DRC9: variants seen among roughly 807,000 people sequenced by gnomAD.
DRC9 encodes the protein dynein regulatory complex subunit 9.
the DRC9 span, among the ~76,000 whole-genome samples, chr3:197,903,360 G>A: frequency 2.0e-5 from 3 of 152,166 alleles, no homozygotes; most frequent in Non-Finnish European, 4.4e-5. Flanking sequence ...AAAAGCTTCT[G>A]CACAGGCCAG....
the DRC9 span, chr3:197,912,605 C>A: frequency 1.6e-5 from 17 of 1,067,846 alleles, no homozygotes; most frequent in Admixed American, 2.1e-4. Flanking sequence ...TCAAAATATT[C>A]TTTTTGTTTC....
At chr3:197,945,779 T>C in the DRC9 span, 4,279 of 611,410 alleles carry the variant, frequency 7.0e-3, 148 homozygotes, top group African/African-American at 0.071. Context: ...GAAAATTAAA[T>C]GATTACGGGA....
chr3:197,948,964 A>G, the DRC9 span, among the ~76,000 whole-genome samples: 1 of 152,324 alleles, frequency 6.6e-6, no homozygotes, highest in South Asian at 2.1e-4. Context: ...TTGTCAATAT[A>G]GAAGTCAGAT....
the DRC9 span, among the ~76,000 whole-genome samples, chr3:197,934,210 G>A: frequency 1.4e-5 from 1 of 71,812 alleles, no homozygotes; most frequent in African/African-American, 2.2e-4. Flanking sequence ...TGAGACAAGA[G>A]TGTCGTTCTT....
chr3:197,904,129 C>A, the DRC9 span, among the ~76,000 whole-genome samples: 1 of 137,422 alleles, frequency 7.3e-6, no homozygotes, highest in Non-Finnish European at 1.5e-5. Context: ...TTTAAAGGGC[C>A]AAAGATCTGA....
the DRC9 span, chr3:197,957,241 TC>T: frequency 6.6e-6 from 1 of 152,122 alleles, no homozygotes; most frequent in African/African-American, 2.4e-5. Flanking sequence ...CTGTTACAAA[TC>T]TGCTAACCTA....
chr3:197,917,695 C>T, the DRC9 span, among the ~76,000 whole-genome samples: 26 of 151,282 alleles, frequency 1.7e-4, 1 homozygote, highest in East Asian at 5.8e-4. Flanking sequence ...TCTTTCTATA[C>T]GCACTTCCCT....
At chr3:197,897,112 T>C in the DRC9 span, among the ~76,000 whole-genome samples, 8 of 152,152 alleles carry the variant, frequency 5.3e-5, no homozygotes, top group Admixed American at 5.2e-4. Context: ...ATTTCATTAC[T>C]ACAGAAATAA....
chr3:197,920,016 AT>A, the DRC9 span, among the ~76,000 whole-genome samples: 3 of 150,014 alleles, frequency 2.0e-5, no homozygotes, highest in African/African-American at 7.5e-5. Flanking sequence ...CCTGGCTAAC[AT>A]GGTGAAACCC....
At chr3:197,912,653 T>A in the DRC9 span, 2 of 1,591,748 alleles carry the variant, frequency 1.3e-6, no homozygotes, top group Non-Finnish European at 1.7e-6. Context: ...AGTCAAAGCA[T>A]AGAAAAGCTG....
At chr3:197,955,866 G>A in the DRC9 span, 5 of 1,080,668 alleles carry the variant, frequency 4.6e-6, no homozygotes. Flanking sequence ...TTTGCTACAT[G>A]CTTAAAATGA....
the DRC9 span, chr3:197,951,294 T>C: frequency 1.2e-6 from 2 of 1,614,108 alleles, no homozygotes; most frequent in South Asian, 1.1e-5. Context: ...GATGCGCTTA[T>C]GTATATAAAG....
chr3:197,931,214 G>A, the DRC9 span, among the ~76,000 whole-genome samples: 1 of 152,006 alleles, frequency 6.6e-6, no homozygotes, highest in Non-Finnish European at 1.5e-5. Flanking sequence ...GAGCGCGGTG[G>A]CTCATGCCTG....
At chr3:197,943,849 T>C in the DRC9 span, 1 of 1,614,130 alleles carries the variant, frequency 6.2e-7, no homozygotes, top group Non-Finnish European at 8.5e-7. Flanking sequence ...TGGTCTGTGG[T>C]GTCCTCCAGA....
At chr3:197,905,097 G>A in the DRC9 span, among the ~76,000 whole-genome samples, 3 of 152,168 alleles carry the variant, frequency 2.0e-5, no homozygotes, top group Non-Finnish European at 4.4e-5. Context: ...GGTAGTGGGG[G>A]ATGCGGAGGG....
chr3:197,925,146 G>A, the DRC9 span, among the ~76,000 whole-genome samples: 1 of 151,748 alleles, frequency 6.6e-6, no homozygotes, highest in Non-Finnish European at 1.5e-5. Flanking sequence ...GACTGCCTGA[G>A]ACAAGGCCCC....
the DRC9 span, among the ~76,000 whole-genome samples, chr3:197,925,161 G>T: frequency 2.0e-5 from 3 of 151,650 alleles, no homozygotes; most frequent in Admixed American, 6.6e-5. Flanking sequence ...GGCCCCCTGT[G>T]GGGGAGGGTG....
At chr3:197,908,372 G>A in the DRC9 span, among the ~76,000 whole-genome samples, 2 of 143,290 alleles carry the variant, frequency 1.4e-5, no homozygotes, top group East Asian at 2.2e-4. Context: ...ACTGTACCAC[G>A]TCTGAAGAGT....
At chr3:197,893,577 C>T in the DRC9 span, among the ~76,000 whole-genome samples, 7 of 151,856 alleles carry the variant, frequency 4.6e-5, no homozygotes, top group South Asian at 2.1e-4. Context: ...GGCGCAGTGG[C>T]TCACGTCTGG....
Sources: gnomAD v4.1 joint callset for allele counts (sites outside exome capture counted in the v4.1 genomes callset) on GRCh38, gnomAD v4.1.1 for gene constraint, MANE v1.5 for transcripts, NCBI Gene and HGNC (gene_info 2026-07-23, HGNC 2026-07-21) for gene names.